ANAPC1: variants seen among roughly 807,000 people sequenced by gnomAD.
The protein encoded by ANAPC1 is anaphase-promoting complex subunit 1.
Under a neutral mutation model 208.0 loss-of-function variants are expected in ANAPC1, and 36 were observed. The ratio of observed to expected loss-of-function variants is 0.17; its 90% CI spans 0.13 to 0.23. The LOEUF (loss-of-function observed/expected upper bound fraction) is 0.23. Ranked by LOEUF, ANAPC1 falls within the 10% of genes least tolerant of loss-of-function variation. The probability of loss-of-function intolerance (pLI) is 1.00; values close to 1 mark genes in which losing one functional copy is unlikely to be tolerated. For missense variants in ANAPC1, 942 were observed against 2,011.6 expected, an observed-to-expected ratio of 0.47 and a Z score of 10.17; for synonymous variants, 378 against 695.2, an observed-to-expected ratio of 0.54 and a Z score of 7.18.
intron 6 of ANAPC1, among the ~76,000 whole-genome samples, chr2:111,868,725 G>T (rs1682572320): frequency 6.6e-6 from 1 of 152,142 alleles, no homozygotes; most frequent in East Asian, 1.9e-4. Flanking sequence ...TAGAGACGGG[G>T]TTTCACCATG....
chr2:111,827,167 GCT>G (rs1196253565), intron 21 of ANAPC1, among the ~76,000 whole-genome samples: 2 of 151,986 alleles, frequency 1.3e-5, no homozygotes, highest in Non-Finnish European at 2.9e-5. Context: ...ATCGAATAGT[GCT>G]CTCTCACTAT....
At chr2:111,783,723 C>T (rs1477952707) in intron 42 of ANAPC1, among the ~76,000 whole-genome samples, 174 bp downstream of exon 42, 1 of 152,276 alleles carries the variant, frequency 6.6e-6, no homozygotes, top group Non-Finnish European at 1.5e-5. Context: ...TTTTCTAACA[C>T]AAGTCCTGTT....
At chr2:111,879,329 G>A (rs1299417589) in intron 2 of ANAPC1, among the ~76,000 whole-genome samples, 2 of 152,158 alleles carry the variant, frequency 1.3e-5, no homozygotes, top group African/African-American at 2.4e-5. Context: ...GGACAGTGAG[G>A]TGCACGTGGG....
At chr2:111,824,043 A>C (rs1361214936) in intron 24 of ANAPC1, among the ~76,000 whole-genome samples, 1 of 150,716 alleles carries the variant, frequency 6.6e-6, no homozygotes, top group Non-Finnish European at 1.5e-5. Flanking sequence ...TGATTTTCTA[A>C]ATTTCATAAT....
At chr2:111,767,596 C>T (rs993201392), downstream of ANAPC1, 5 of 150,374 alleles carry the variant, frequency 3.3e-5, no homozygotes, top group African/African-American at 1.0e-4. Flanking sequence ...GTTCTAAAAG[C>T]TGTTCTCCCT....
Position 111,866,744 on chromosome 2 carries a change from T to G in ANAPC1, c.685+1279A>C, listed in dbSNP as rs918354549. On this transcript the variant is annotated intron_variant, in intron 7 of 47. Transcript: ENST00000341068. Reference sequence around the variant, plus strand: ...GTCTCAAAAAAAAAAAAAATGAAAATAAAACGACTAAAAACAGACTATTCT... The same window carrying G: ...GTCTCAAAAAAAAAAAAAATGAAAAGAAAACGACTAAAAACAGACTATTCT... Among the ~76,000 whole-genome samples the G allele has an allele frequency of 9.8e-3, 642 of 65,650 alleles. 12 individuals carry two copies. The highest frequency in any genetic ancestry group is 0.038 in the African/African-American group (617 of 16,118). The allele number at this position is 65,650 out of a possible 152,430, so 43.1% of individuals were successfully genotyped here.
At chr2:111,784,076 G>C in intron 41 of ANAPC1, 112 bp from the exon 42 acceptor site, 1 of 957,778 alleles carries the variant, frequency 1.0e-6, no homozygotes, top group South Asian at 1.4e-5. Context: ...ACAGGCATCT[G>C]GAAGTTAACA....
At chr2:111,858,425 T>C (rs764527676) in intron 10 of ANAPC1, 24 bp from the exon 11 acceptor site, 5 of 1,584,354 alleles carry the variant, frequency 3.2e-6, no homozygotes, top group Non-Finnish European at 4.3e-6. Context: ...ATTAATAAAG[T>C]AACTGTCAGC....
rs562617207 is a variant in ANAPC1, at chr2:111,862,632, G to T, written c.1053-34C>A. 1.9e-6 allele frequency: 3 copies of T among 1,598,914 alleles called. No homozygotes were observed. In the East Asian group the frequency reaches 6.9e-5, roughly 37 times the overall value. ...TAAACAGAGGAGAGAGTACATCACA[G>T]TTAGCAAGGCAGGCTTATATGACAC... On this transcript the variant is annotated intron_variant, in intron 9 of 47. Transcript: ENST00000341068.
At chr2:111,794,766 T>A in intron 35 of ANAPC1, 52 bp downstream of exon 35, 3 of 851,118 alleles carry the variant, frequency 3.5e-6, no homozygotes, top group Non-Finnish European at 5.5e-6. Flanking sequence ...ATATTTCAAT[T>A]TAATTATCTG....
intron 21 of ANAPC1, among the ~76,000 whole-genome samples, chr2:111,830,790 T>C (rs1424078751): frequency 3.3e-5 from 5 of 152,132 alleles, no homozygotes; most frequent in Non-Finnish European, 7.4e-5. Flanking sequence ...ATATTGGTGG[T>C]AAAAATGTAA....
intron 16 of ANAPC1, among the ~76,000 whole-genome samples, chr2:111,846,754 G>T (rs1462817179): frequency 1.3e-5 from 2 of 151,588 alleles, no homozygotes; most frequent in South Asian, 2.1e-4. Context: ...ATTTTTAGTA[G>T]AGAAAGGGTT....
At chr2:111,782,104 G>A (rs1332870895) in intron 43 of ANAPC1, among the ~76,000 whole-genome samples, 3 of 151,638 alleles carry the variant, frequency 2.0e-5, no homozygotes, top group Admixed American at 2.0e-4. Context: ...AAGATATGGT[G>A]TGACTGTCCT....
At chr2:111,781,431 T>C (rs1677266273) in intron 43 of ANAPC1, among the ~76,000 whole-genome samples, 1 of 152,042 alleles carries the variant, frequency 6.6e-6, no homozygotes, top group African/African-American at 2.4e-5. Context: ...ATGTCAACCC[T>C]GGGAACTATT....
At chr2:111,775,427 A>C (rs1466480943) in intron 46 of ANAPC1, among the ~76,000 whole-genome samples, 1 of 152,254 alleles carries the variant, frequency 6.6e-6, no homozygotes, top group East Asian at 1.9e-4. Flanking sequence ...ATATGAATGC[A>C]ATTTCCAATT....
chr2:111,856,740 T>C, intron 12 of ANAPC1, 56 bp downstream of exon 12: 2 of 1,612,816 alleles, frequency 1.2e-6, no homozygotes, highest in Non-Finnish European at 1.7e-6. Context: ...ACAGATTTTT[T>C]GACTGAAAAA....
intron 10 of ANAPC1, among the ~76,000 whole-genome samples, chr2:111,859,130 G>A (rs1681911022): frequency 6.6e-6 from 1 of 152,052 alleles, no homozygotes; most frequent in South Asian, 2.1e-4. Flanking sequence ...TCTCAGATTA[G>A]GCCTCATTCA....
At chr2:111,787,662 G>A (rs1677637655) in intron 39 of ANAPC1, among the ~76,000 whole-genome samples, 1 of 151,980 alleles carries the variant, frequency 6.6e-6, no homozygotes, top group South Asian at 2.1e-4. Flanking sequence ...TTAAGTGTTG[G>A]TGGTTCCTCG....
intron 34 of ANAPC1, among the ~76,000 whole-genome samples, chr2:111,795,425 A>C (rs1468273598): frequency 2.0e-5 from 3 of 149,130 alleles, no homozygotes; most frequent in Non-Finnish European, 4.5e-5. Flanking sequence ...GGGCTGAACA[A>C]ATATAAACAG....
Sources: allele counts gnomAD v4.1 joint callset (sites outside exome capture counted in the v4.1 genomes callset), GRCh38; gene constraint gnomAD v4.1.1; transcripts MANE v1.5; gene names NCBI Gene and HGNC (gene_info 2026-07-23, HGNC 2026-07-21).